The following NR6A1 variants were observed in gnomAD, a reference collection of about 807,000 sequenced individuals.
NR6A1 encodes retinoic acid receptor-related testis-associated receptor.
Under a neutral mutation model 59.1 loss-of-function variants are expected in NR6A1, and 7 were observed. The ratio of observed to expected loss-of-function variants is 0.12; its 90% confidence interval spans 0.07 to 0.22. NR6A1 has a LOEUF of 0.22. Among genes scored for constraint, NR6A1 ranks in the 10% least tolerant of loss-of-function variants. The pLI, the probability that NR6A1 is intolerant of heterozygous loss-of-function variation, is 1.00. For missense variants in NR6A1, 468 were observed against 611.6 expected, an observed-to-expected ratio of 0.77 and a Z score of 2.48; for synonymous variants, 243 against 236.1, an observed-to-expected ratio of 1.03 and a Z score of -0.27.
intron 2 of NR6A1, among the ~76,000 whole-genome samples, chr9:124,627,318 TAAAA>T (rs140692601): frequency 6.6e-6 from 1 of 152,088 alleles, no homozygotes; most frequent in Non-Finnish European, 1.5e-5. Context: ...AGCCCCGCCT[TAAAA>T]AACAAACAAA....
At chr9:124,654,911 C>CACACACACA (rs1254335905) in intron 2 of NR6A1, among the ~76,000 whole-genome samples, 1 of 149,938 alleles carries the variant, frequency 6.7e-6, no homozygotes, top group Non-Finnish European at 1.5e-5. Flanking sequence ...CACACACACA[C>CACACACACA]ACCTGCCAAA....
At chr9:124,618,920 A>G (rs1835979581) in intron 2 of NR6A1, among the ~76,000 whole-genome samples, 2 of 152,206 alleles carry the variant, frequency 1.3e-5, no homozygotes, top group Admixed American at 1.3e-4. Flanking sequence ...AGCAGTATTT[A>G]CCACCATTTG....
chr9:124,546,618 T>G (rs1833609810), intron 3 of NR6A1, among the ~76,000 whole-genome samples: 1 of 152,126 alleles, frequency 6.6e-6, no homozygotes, highest in African/African-American at 2.4e-5. Flanking sequence ...TTTAATGAGG[T>G]GGTAAAGAAT....
chr9:124,762,431 CCTAT>C (rs1840808422), intron 1 of NR6A1, among the ~76,000 whole-genome samples: 2 of 152,198 alleles, frequency 1.3e-5, no homozygotes, highest in Admixed American at 6.5e-5. Context: ...AGCTAGATCT[CCTAT>C]CTGTTTACCC....
intron 2 of NR6A1, among the ~76,000 whole-genome samples, chr9:124,600,070 T>C (rs1835403929): frequency 6.6e-6 from 1 of 152,222 alleles, no homozygotes; most frequent in Non-Finnish European, 1.5e-5. Context: ...AACCTTTCAA[T>C]GAATGTCTGA....
chr9:124,614,497 T>C (rs923595617), intron 2 of NR6A1, among the ~76,000 whole-genome samples: 1 of 152,194 alleles, frequency 6.6e-6, no homozygotes, highest in African/African-American at 2.4e-5. Context: ...GATTAGCTGT[T>C]TGTCCTATTC....
chr9:124,538,017 G>T, intron 6 of NR6A1, 75 bp downstream of exon 6: 2 of 1,249,122 alleles, frequency 1.6e-6, no homozygotes, highest in Non-Finnish European at 2.3e-6. Context: ...GGGTATAGGA[G>T]CCAGGGACGC....
Position 124,543,884 on chromosome 9 carries a change from G to A in NR6A1, c.386-27C>T, listed in dbSNP as rs1833518280. ...TGGAAGGAAAGATAAGTCAAGAAAG[G>A]CAGTCAGAAGCACACTCATATAAGT... On this transcript the variant is annotated intron_variant, in intron 3 of 9. Coordinates refer to ENST00000487099, the MANE Select transcript of NR6A1 (RefSeq NM_033334.4). 4 of 1,599,262 alleles carry A rather than the reference G, an allele frequency of 2.5e-6. No individual in the cohort carries two copies. The East Asian group carries it at 8.9e-5, about 36-fold the overall frequency.
chr9:124,606,418 T>C (rs777437220), intron 2 of NR6A1, among the ~76,000 whole-genome samples: 16 of 151,486 alleles, frequency 1.1e-4, no homozygotes, highest in Non-Finnish European at 1.9e-4. Context: ...TCACAGAACA[T>C]AGCAAAAATG....
chr9:124,758,086 A>G (rs570811708), intron 1 of NR6A1, among the ~76,000 whole-genome samples: 1 of 152,348 alleles, frequency 6.6e-6, no homozygotes, highest in African/African-American at 2.4e-5. Flanking sequence ...GAACCAAAGT[A>G]TCTCTCAGAT....
chr9:124,714,504 C>T (rs1242431392), intron 2 of NR6A1, among the ~76,000 whole-genome samples: 1 of 152,146 alleles, frequency 6.6e-6, no homozygotes, highest in African/African-American at 2.4e-5. Flanking sequence ...AAGGTGAGAA[C>T]ATCACTCTCA....
chr9:124,676,909 G>A (rs1166600654), intron 2 of NR6A1, among the ~76,000 whole-genome samples: 2 of 152,118 alleles, frequency 1.3e-5, no homozygotes, highest in Admixed American at 6.6e-5. Flanking sequence ...ATACTTAACA[G>A]AGCTAAGTGG....
intron 2 of NR6A1, among the ~76,000 whole-genome samples, chr9:124,630,209 A>ATTT (rs1836384026): frequency 8.7e-6 from 1 of 114,882 alleles, no homozygotes. Flanking sequence ...CCTCCAAATC[A>ATTT]GTTTTTTTTT....
intron 2 of NR6A1, among the ~76,000 whole-genome samples, chr9:124,574,645 C>T (rs781411757): frequency 4.6e-5 from 7 of 152,172 alleles, no homozygotes; most frequent in African/African-American, 1.4e-4. Flanking sequence ...GAGTTTAATA[C>T]CCCTAGTCCC....
Position 124,594,920 on chromosome 9 carries a change from T to C in NR6A1, c.143-40350A>G, listed in dbSNP as rs114742993. On this transcript the variant is annotated intron_variant, in intron 2 of 9. Transcript: ENST00000487099. ...GTAGGGTTAATGCCAGTCCTAGAAA[T>C]TTATCAACTGCTTCAAAGAGTCGGG... 2.4e-3 allele frequency among the ~76,000 whole-genome samples: 367 copies of C among 152,328 alleles called. 1 individual carries two copies. Among genetic ancestry groups the C allele is most frequent in the African/African-American group, 8.4e-3 (351 of 41,578 alleles).
At chr9:124,524,684 C>G in intron 9 of NR6A1, 37 bp downstream of exon 9, 2 of 1,604,022 alleles carry the variant, frequency 1.2e-6, no homozygotes, top group Non-Finnish European at 1.7e-6. Context: ...CTAAGAGAAG[C>G]AAGGAAGGGT....
chr9:124,757,396 A>G (rs1043434028), intron 1 of NR6A1, among the ~76,000 whole-genome samples: 1 of 152,108 alleles, frequency 6.6e-6, no homozygotes, highest in Non-Finnish European at 1.5e-5. Flanking sequence ...AACAGGAGAA[A>G]AAACATTTAA....
chr9:124,716,736 A>G (rs966712597), intron 2 of NR6A1, among the ~76,000 whole-genome samples: 1 of 152,154 alleles, frequency 6.6e-6, no homozygotes, highest in African/African-American at 2.4e-5. Flanking sequence ...GGTTCAAGCA[A>G]TTCTTGTGCC....
intron 1 of NR6A1, among the ~76,000 whole-genome samples, chr9:124,754,582 C>T (rs967020711): frequency 6.6e-6 from 1 of 151,464 alleles, no homozygotes; most frequent in Admixed American, 6.6e-5. Flanking sequence ...GTATAGGAAA[C>T]GGGAAAAACA....
Sources: gnomAD v4.1 joint callset for allele counts (sites outside exome capture counted in the v4.1 genomes callset) on GRCh38, gnomAD v4.1.1 for gene constraint, MANE v1.5 for transcripts, NCBI Gene and HGNC (gene_info 2026-07-23, HGNC 2026-07-21) for gene names.